The following DNAAF9 variants were observed in gnomAD, a reference collection of about 807,000 sequenced individuals.
DNAAF9 encodes shulin.
A neutral mutation model predicts 167.0 loss-of-function variants in DNAAF9; 90 were observed. The observed-to-expected ratio is 0.54, with a 90% CI of 0.45 to 0.64. The LOEUF (loss-of-function observed/expected upper bound fraction) is 0.64. DNAAF9 is among the 30% of genes least tolerant of loss of function. The pLI, the probability that DNAAF9 is intolerant of heterozygous loss-of-function variation, is 0.00. For synonymous variants in DNAAF9, 491 were observed against 508.8 expected, an observed-to-expected ratio of 0.96 and a Z score of 0.47; for missense variants, 1,315 against 1,442.2, an observed-to-expected ratio of 0.91 and a Z score of 1.43.
At chr20:3,282,436 C>G (rs558949005) in intron 27 of DNAAF9, among the ~76,000 whole-genome samples, 7 of 152,286 alleles carry the variant, frequency 4.6e-5, no homozygotes, top group African/African-American at 1.7e-4. Flanking sequence ...TAATCTCTTG[C>G]TTAGATCACC....
intron 15 of DNAAF9, 118 bp from the exon 16 acceptor site, chr20:3,322,380 G>T: frequency 1.2e-6 from 1 of 839,200 alleles, no homozygotes. Context: ...TGCTCTTAGG[G>T]CCTTTCAAAA....
intron 26 of DNAAF9, among the ~76,000 whole-genome samples, chr20:3,288,268 T>C (rs947181689): frequency 2.6e-5 from 4 of 152,164 alleles, no homozygotes; most frequent in South Asian, 4.1e-4. Context: ...CTGACCAACA[T>C]AGAGAAATTC....
chr20:3,342,253 C>T (rs2070101375), intron 9 of DNAAF9, among the ~76,000 whole-genome samples: 1 of 152,154 alleles, frequency 6.6e-6, no homozygotes, highest in Non-Finnish European at 1.5e-5. Context: ...CTTCCTCCTA[C>T]TCCCATTTAT....
At chr20:3,311,995 CT>C (rs397962124) in intron 20 of DNAAF9, among the ~76,000 whole-genome samples, 18 of 145,094 alleles carry the variant, frequency 1.2e-4, no homozygotes, top group Admixed American at 1.4e-4. Context: ...TCTTTTTTTT[CT>C]TTTTTTTTTT....
At chr20:3,327,970 C>T (rs1215829513) in intron 12 of DNAAF9, among the ~76,000 whole-genome samples, 1 of 152,202 alleles carries the variant, frequency 6.6e-6, no homozygotes, top group East Asian at 1.9e-4. Context: ...CCAGAATCCT[C>T]TACACTTTGA....
At chr20:3,285,127 C>A (rs972087106) in intron 27 of DNAAF9, among the ~76,000 whole-genome samples, 1 of 152,168 alleles carries the variant, frequency 6.6e-6, no homozygotes, top group Non-Finnish European at 1.5e-5. Context: ...CTAACAGCTC[C>A]ACTTGATGTC....
intron 1 of DNAAF9, among the ~76,000 whole-genome samples, chr20:3,405,462 C>T (rs74914739): frequency 2.0e-5 from 3 of 152,074 alleles, no homozygotes; most frequent in African/African-American, 2.4e-5. Context: ...AAGAAAAGCA[C>T]GTTCAATCAT....
At chr20:3,319,924 C>G (rs1366216822) in intron 16 of DNAAF9, among the ~76,000 whole-genome samples, 1 of 152,190 alleles carries the variant, frequency 6.6e-6, no homozygotes, top group Non-Finnish European at 1.5e-5. Flanking sequence ...CCCTCCTGAG[C>G]TACATGGTCC....
Position 3,259,468 on chromosome 20 carries a change from G to A in DNAAF9, c.3055+12C>T, listed in dbSNP as rs560417820. 1.3e-6 allele frequency: 2 copies of A among 1,558,408 alleles called. No individual in the cohort carries two copies. Among genetic ancestry groups the A allele is most frequent in the East Asian group, 4.5e-5 (2 of 44,602 alleles). On this transcript the variant is annotated intron_variant, in intron 33 of 36. Coordinates refer to ENST00000252032, the MANE Select transcript of DNAAF9 (RefSeq NM_001009984.3). ...CATGGTGTAGAGCTCCCAAATCCCA[G>A]CCCCTGGTTACCTGAAAACTTCACT... is the stretch of plus-strand genomic sequence containing the variant.
chr20:3,302,929 T>TA (rs1274012596), intron 21 of DNAAF9, among the ~76,000 whole-genome samples: 1 of 152,158 alleles, frequency 6.6e-6, no homozygotes, highest in Non-Finnish European at 1.5e-5. Flanking sequence ...ATTATCAGCA[T>TA]AAAATTTTTA....
At chr20:3,343,983 G>A (rs1416055924) in intron 8 of DNAAF9, among the ~76,000 whole-genome samples, 1 of 151,520 alleles carries the variant, frequency 6.6e-6, no homozygotes, top group African/African-American at 2.4e-5. Flanking sequence ...GGAATAAGTG[G>A]CAAACAAAAT....
intron 33 of DNAAF9, among the ~76,000 whole-genome samples, chr20:3,257,295 GA>G (rs1203913349): frequency 1.3e-5 from 2 of 151,964 alleles, no homozygotes; most frequent in Non-Finnish European, 2.9e-5. Flanking sequence ...AGGATCACTT[GA>G]GCCCGGGAAT....
intron 10 of DNAAF9, among the ~76,000 whole-genome samples, chr20:3,338,219 A>C (rs1219394429): frequency 6.6e-6 from 1 of 151,760 alleles, no homozygotes; most frequent in Non-Finnish European, 1.5e-5. Flanking sequence ...TTTTCTTTTG[A>C]AGGATAAGTT....
rs1339822654 is a variant in DNAAF9, at chr20:3,250,415, G to A, written c.*2157C>T. ...GCCCTTTCGCCAGCTGCCCCTTCAC[G>A]TTCCCGAGTAGGCTGAGGAGCATCA... On this transcript the variant is annotated 3_prime_UTR_variant, in exon 37 of 37. Coordinates refer to ENST00000252032, the MANE Select transcript of DNAAF9 (RefSeq NM_001009984.3). 2.0e-5 allele frequency: 3 copies of A among 152,246 alleles called. No homozygotes were observed. Among genetic ancestry groups the A allele is most frequent in the Admixed American group, 6.5e-5 (1 of 15,280 alleles). The allele number at this position is 152,246 out of a possible 1,614,324, so 9.4% of individuals were successfully genotyped here.
At chr20:3,406,705 C>T (rs949945406) in intron 1 of DNAAF9, among the ~76,000 whole-genome samples, 1 of 152,092 alleles carries the variant, frequency 6.6e-6, no homozygotes, top group Non-Finnish European at 1.5e-5. Context: ...TGTGTCTCTA[C>T]GGTAAGGGGC....
At chr20:3,295,280 C>T (rs1199428533) in intron 23 of DNAAF9, among the ~76,000 whole-genome samples, 1 of 152,070 alleles carries the variant, frequency 6.6e-6, no homozygotes, top group Non-Finnish European at 1.5e-5. Context: ...TCCAGAGATT[C>T]TCCAGCCTCA....
At chr20:3,366,720 T>C (rs1016723906) in intron 6 of DNAAF9, among the ~76,000 whole-genome samples, 6 of 150,646 alleles carry the variant, frequency 4.0e-5, no homozygotes, top group African/African-American at 1.5e-4. Flanking sequence ...AGCCCAGGAG[T>C]TCAAGACCAG....
intron 14 of DNAAF9, among the ~76,000 whole-genome samples, chr20:3,323,952 C>T (rs2069665474): frequency 6.6e-6 from 1 of 152,202 alleles, no homozygotes; most frequent in Non-Finnish European, 1.5e-5. Context: ...AAGAAGCGTT[C>T]TCAAATTCAG....
chr20:3,324,764 T>C (rs570672481), intron 14 of DNAAF9, 128 bp downstream of exon 14: 1 of 654,382 alleles, frequency 1.5e-6, no homozygotes, highest in East Asian at 2.6e-5. Context: ...ATGATTCTCC[T>C]TCACACATCC....
Sources: gnomAD v4.1 joint callset for allele counts (sites outside exome capture counted in the v4.1 genomes callset) on GRCh38, gnomAD v4.1.1 for gene constraint, MANE v1.5 for transcripts, NCBI Gene and HGNC (gene_info 2026-07-23, HGNC 2026-07-21) for gene names.